The following THTPA variants were observed in gnomAD, a reference collection of about 807,000 sequenced individuals.
THTPA encodes thiamine triphosphatase, also known as thiamine-triphosphatase.
THTPA carries 16 observed loss-of-function variants against 16.5 expected under a neutral mutation model. That is an observed-to-expected ratio of 0.97 (90% confidence interval 0.66 to 1.47). THTPA has a LOEUF of 1.47. Ranked by LOEUF, THTPA falls within the 40% of genes most tolerant of loss-of-function variation. The probability of loss-of-function intolerance (pLI) is 0.00; values close to 1 mark genes in which losing one functional copy is unlikely to be tolerated. For synonymous variants in THTPA, 110 were observed against 115.5 expected, an observed-to-expected ratio of 0.95 and a Z score of 0.30; for missense variants, 281 against 280.9, an observed-to-expected ratio of 1.00 and a Z score of 0.00.
the THTPA span, chr14:23,525,595 A>G: frequency 3.3e-6 from 5 of 1,535,544 alleles, no homozygotes; most frequent in East Asian, 2.4e-5. This position sits in a 1 kb window ranked among gnomAD's most constrained non-coding sequence, Gnocchi z 5.9. Context: ...TCACCAGCTC[A>G]AAGCCAAAGT....
chr14:23,517,202 G>A, the THTPA span, among the ~76,000 whole-genome samples: 3 of 152,094 alleles, frequency 2.0e-5, no homozygotes, highest in Admixed American at 6.5e-5. Flanking sequence ...ATGAAGGAGC[G>A]TCACTGGGTG....
the THTPA span, among the ~76,000 whole-genome samples, chr14:23,537,213 C>T: frequency 2.0e-5 from 3 of 152,066 alleles, no homozygotes; most frequent in South Asian, 4.2e-4. Context: ...CTGACAGAAG[C>T]GCCAAGGCTC....
chr14:23,527,631 G>A, the THTPA span: 24 of 1,536,406 alleles, frequency 1.6e-5, no homozygotes, highest in African/African-American at 1.4e-4. Flanking sequence ...CAACGCACTC[G>A]GGCACCACGT....
the THTPA span, chr14:23,531,139 T>G: frequency 1.0e-5 from 2 of 193,276 alleles, no homozygotes; most frequent in Non-Finnish European, 2.1e-5. Flanking sequence ...ACAAAACAGG[T>G]TCTCTCTCCT....
chr14:23,530,168 C>A, the THTPA span: 1 of 1,535,658 alleles, frequency 6.5e-7, no homozygotes, highest in South Asian at 1.2e-5. Flanking sequence ...GTGGGTGGCT[C>A]AGCTAAGGGG....
At chr14:23,539,987 CAGT>C in the THTPA span, among the ~76,000 whole-genome samples, 3 of 152,160 alleles carry the variant, frequency 2.0e-5, no homozygotes, top group South Asian at 4.1e-4. Context: ...GCCTTCCAAA[CAGT>C]TGTTTTTCAT....
chr14:23,552,123 T>TC (rs988320033), upstream of THTPA, among the ~76,000 whole-genome samples: 4 of 151,356 alleles, frequency 2.6e-5, no homozygotes, highest in Non-Finnish European at 5.9e-5. Flanking sequence ...CTCCCCCATC[T>TC]CCCCCCGCGA....
chr14:23,537,902 C>T, the THTPA span: 1 of 152,326 alleles, frequency 6.6e-6, no homozygotes, highest in African/African-American at 2.4e-5. Flanking sequence ...GAGGCCCTGT[C>T]CTGGGCCCTG....
chr14:23,518,954 C>T, the THTPA span, among the ~76,000 whole-genome samples: 1 of 152,174 alleles, frequency 6.6e-6, no homozygotes, highest in South Asian at 2.1e-4. The surrounding 1 kb of genome is among the most constrained non-coding windows in gnomAD (Gnocchi z 4.5). Flanking sequence ...ATGCTTCCAG[C>T]CACTGGGAAC....
At chr14:23,524,177 C>A in the THTPA span, 4 of 1,536,118 alleles carry the variant, frequency 2.6e-6, no homozygotes, top group Middle Eastern at 1.7e-4. This position sits in a 1 kb window ranked among gnomAD's most constrained non-coding sequence, Gnocchi z 5.6. Context: ...AGGCACCCCC[C>A]CAGGGGTGCT....
the THTPA span, chr14:23,533,573 G>A: frequency 2.1e-5 from 32 of 1,536,556 alleles, no homozygotes; most frequent in East Asian, 7.3e-5. The surrounding 1 kb of genome is among the most constrained non-coding windows in gnomAD (Gnocchi z 4.8). Context: ...ATATGGATGC[G>A]CAGGTTACGG....
the THTPA span, chr14:23,524,293 T>G: frequency 3.9e-5 from 60 of 1,536,194 alleles, no homozygotes; most frequent in Non-Finnish European, 5.1e-5. This position sits in a 1 kb window ranked among gnomAD's most constrained non-coding sequence, Gnocchi z 5.6. Context: ...GCATCTTGCG[T>G]GTTGGGTTGG....
rs749147648 is a variant in THTPA, at chr14:23,559,888, C to T, written c.*1048C>T. On this transcript the variant is annotated 3_prime_UTR_variant, in exon 2 of 2. Coordinates refer to ENST00000288014, the MANE Select transcript of THTPA (RefSeq NM_024328.6). ...GAGCAGGGACCAGGGTTAGCACCCA[C>T]GGCTTCTTCTATCCCTGGGTCTTGT... is the stretch of plus-strand genomic sequence containing the variant. 2.6e-5 allele frequency: 42 copies of T among 1,611,370 alleles called. No individual in the cohort carries two copies. Among genetic ancestry groups the T allele is most frequent in the Admixed American group, 2.0e-4 (12 of 59,886 alleles).
chr14:23,525,127 G>T, the THTPA span: 1 of 1,536,066 alleles, frequency 6.5e-7, no homozygotes, highest in Admixed American at 2.0e-5. This position sits in a 1 kb window ranked among gnomAD's most constrained non-coding sequence, Gnocchi z 5.9. Context: ...CTTGGGTCTG[G>T]AACTCTGTGA....
the THTPA span, chr14:23,544,321 G>A: frequency 6.6e-6 from 1 of 151,916 alleles, no homozygotes; most frequent in East Asian, 1.9e-4. Context: ...AACTCATGGA[G>A]TTGAGTCCAT....
rs377563203 is a variant in THTPA, at chr14:23,556,997, G to A, written c.240G>A (p.Lys80=). ...TCTTAGGACCCCACACGGAGTATAAGGAACTCACAGCGGAACCTACAATTG... is the reference window on the plus strand; with the variant it reads ...TCTTAGGACCCCACACGGAGTATAAAGAACTCACAGCGGAACCTACAATTG... ...AGVLGPHTEY[K]ELTAEPTIVA... Residue 80 remains lysine, a synonymous_variant, in exon 1 of 2, where the codon AAG becomes AAA. Transcript: ENST00000288014. 21 of 1,614,216 alleles carry A rather than the reference G, an allele frequency of 1.3e-5. No individual in the cohort carries two copies. The East Asian group carries it at 3.1e-4, about 24-fold the overall frequency.
At chr14:23,513,358 T>C in the THTPA span, 1 of 152,502 alleles carries the variant, frequency 6.6e-6, no homozygotes, top group African/African-American at 2.4e-5. Flanking sequence ...TGCATTGCTG[T>C]GTGTCTGCCA....
At chr14:23,547,711 A>C in the THTPA span, among the ~76,000 whole-genome samples, 1 of 152,110 alleles carries the variant, frequency 6.6e-6, no homozygotes, top group African/African-American at 2.4e-5. Context: ...TTTGCCCATT[A>C]ATGTAGACTT....
At chr14:23,511,760 G>T in the THTPA span, 1 of 152,378 alleles carries the variant, frequency 6.6e-6, no homozygotes, top group Non-Finnish European at 1.5e-5. Context: ...GTTTTCTATA[G>T]GAGAAGCAAC....
Sources: allele counts gnomAD v4.1 joint callset (sites outside exome capture counted in the v4.1 genomes callset), GRCh38; gene constraint gnomAD v4.1.1; non-coding constraint Gnocchi (gnomAD v3.1); transcripts MANE v1.5; gene names NCBI Gene and HGNC (gene_info 2026-07-23, HGNC 2026-07-21).